The following RIMS2 variants were observed in gnomAD, a reference collection of about 807,000 sequenced individuals.
The protein encoded by RIMS2 is regulating synaptic membrane exocytosis 2.
A neutral mutation model predicts 174.4 loss-of-function variants in RIMS2; 59 were observed. The observed-to-expected ratio is 0.34, with a 90% CI of 0.27 to 0.42. The LOEUF (loss-of-function observed/expected upper bound fraction) is 0.42. Ranked by LOEUF, RIMS2 falls within the 10% of genes least tolerant of loss-of-function variation. RIMS2 has a pLI of 1.00. For synonymous variants in RIMS2, 606 were observed against 572.5 expected (o/e 1.06, Z -0.84); for missense variants, 1,620 against 1,666.3 (o/e 0.97, Z 0.48).
At chr8:103,502,584 G>T (rs1210706207) in intron 1 of RIMS2, among the ~76,000 whole-genome samples, 1 of 152,012 alleles carries the variant, frequency 6.6e-6, no homozygotes, top group South Asian at 2.1e-4. Context: ...ACTAATAGAA[G>T]AATAAAGCAT....
intron 3 of RIMS2, among the ~76,000 whole-genome samples, chr8:103,788,856 G>C (rs968539780): frequency 2.0e-5 from 3 of 152,144 alleles, no homozygotes. Flanking sequence ...AATGGCGGGC[G>C]CCCCTCCCCC....
At chr8:103,608,346 C>G (rs529218509) in intron 1 of RIMS2, among the ~76,000 whole-genome samples, 5,398 of 143,166 alleles carry the variant, frequency 0.038, 1,138 homozygotes, top group African/African-American at 0.14. Flanking sequence ...GCAGTCTGCC[C>G]GTTCTCAGAT....
chr8:103,615,400 G>A (rs922880624), intron 1 of RIMS2, among the ~76,000 whole-genome samples: 1 of 152,088 alleles, frequency 6.6e-6, no homozygotes, highest in Non-Finnish European at 1.5e-5. Context: ...GAAATTCATA[G>A]CACTAAATGC....
chr8:104,204,944 A>G (rs2441910), intron 19 of RIMS2, among the ~76,000 whole-genome samples: 115,084 of 152,118 alleles, frequency 0.76, 44,766 homozygotes, highest in African/African-American at 0.94. Context: ...TGCTAAACAA[A>G]CCTAAGATTA....
intron 19 of RIMS2, among the ~76,000 whole-genome samples, chr8:104,138,355 T>A (rs1234632994): frequency 6.6e-6 from 1 of 152,154 alleles, no homozygotes; most frequent in East Asian, 1.9e-4. Flanking sequence ...CCTCCAAACT[T>A]GTCTTCATAG....
At chr8:104,151,803 A>G (rs1473788516) in intron 19 of RIMS2, among the ~76,000 whole-genome samples, 1 of 152,188 alleles carries the variant, frequency 6.6e-6, no homozygotes, top group African/African-American at 2.4e-5. Context: ...TTGCCCAAGA[A>G]GAATTATACA....
At chr8:103,863,240 T>G (rs1311760548) in intron 3 of RIMS2, among the ~76,000 whole-genome samples, 5 of 152,232 alleles carry the variant, frequency 3.3e-5, no homozygotes, top group Non-Finnish European at 2.9e-5. Context: ...TTTTTGTTTT[T>G]AATTCTCTTT....
chr8:103,765,886 TTTAAAC>T (rs752572252), intron 2 of RIMS2, among the ~76,000 whole-genome samples: 4 of 152,132 alleles, frequency 2.6e-5, no homozygotes, highest in Non-Finnish European at 5.9e-5. Flanking sequence ...GGAGTTGGTA[TTTAAAC>T]CCAACTGTCT....
chr8:103,812,688 A>C (rs1012471836), intron 3 of RIMS2, among the ~76,000 whole-genome samples: 3 of 151,670 alleles, frequency 2.0e-5, no homozygotes, highest in Non-Finnish European at 4.4e-5. Context: ...GGCCCAAATT[A>C]CCTTTTTTGA....
At chr8:104,216,988 TATC>T (rs1349239542) in intron 19 of RIMS2, among the ~76,000 whole-genome samples, 1 of 152,216 alleles carries the variant, frequency 6.6e-6, no homozygotes, top group Admixed American at 6.5e-5. Context: ...AGTAACCTAT[TATC>T]ATCATCATTA....
chr8:103,578,372 A>G (rs2093390083), intron 1 of RIMS2, among the ~76,000 whole-genome samples: 1 of 152,054 alleles, frequency 6.6e-6, no homozygotes, highest in Non-Finnish European at 1.5e-5. Flanking sequence ...TCTGCTAAAA[A>G]TACAAAAATT....
intron 12 of RIMS2, among the ~76,000 whole-genome samples, chr8:103,935,613 C>T (rs554379855): frequency 6.6e-6 from 1 of 152,242 alleles, no homozygotes; most frequent in Non-Finnish European, 1.5e-5. Context: ...GTTTGTCTGT[C>T]ATTTTAAATA....
chr8:103,698,587 A>T (rs1444984195), intron 2 of RIMS2, among the ~76,000 whole-genome samples: 1 of 151,900 alleles, frequency 6.6e-6, no homozygotes, highest in African/African-American at 2.4e-5. Flanking sequence ...ACTGGGATAA[A>T]CCTCATTTTG....
intron 3 of RIMS2, among the ~76,000 whole-genome samples, chr8:103,796,718 A>T (rs1398596318): frequency 6.6e-6 from 1 of 152,198 alleles, no homozygotes; most frequent in Non-Finnish European, 1.5e-5. Flanking sequence ...AGATTTCTAG[A>T]TGCTTAGAGT....
intron 19 of RIMS2, among the ~76,000 whole-genome samples, chr8:104,154,139 T>G (rs766140115): frequency 6.6e-5 from 10 of 152,182 alleles, no homozygotes; most frequent in Non-Finnish European, 1.2e-4. Context: ...GAAGGAGGAA[T>G]GAGTTATTAT....
At chr8:103,974,871 T>A (rs540589520) in intron 15 of RIMS2, among the ~76,000 whole-genome samples, 3 of 152,252 alleles carry the variant, frequency 2.0e-5, no homozygotes, top group African/African-American at 7.2e-5. Context: ...CAAAAGCCGT[T>A]TACACATCTA....
intron 3 of RIMS2, among the ~76,000 whole-genome samples, chr8:103,864,605 A>G (rs2099075804): frequency 6.6e-6 from 1 of 152,196 alleles, no homozygotes; most frequent in Non-Finnish European, 1.5e-5. Flanking sequence ...GACCTGACAC[A>G]TGGTAAAAAA....
rs112922890 is a variant in RIMS2, at chr8:103,921,002, G to GCAACAACAA, written c.2084-633_2084-625dup. 1,656 of 197,018 alleles carry GCAACAACAA rather than the reference G, an allele frequency of 8.4e-3. 12 individuals carry two copies. The highest frequency in any genetic ancestry group is 0.027 in the East Asian group (162 of 6,024). The allele number at this position is 197,018 out of a possible 1,614,324, so 12.2% of individuals were successfully genotyped here. ...CCACAGAATGAGATTCTGTCTCAAA[G>GCAACAACAA]CAACAACAACAACAACAACAACAAC... On this transcript the variant is annotated intron_variant, in intron 9 of 23. Transcript: ENST00000504942.
chr8:103,921,783 C>T, exon 10 of RIMS2: 1 of 1,147,954 alleles, frequency 8.7e-7, no homozygotes, highest in Non-Finnish European at 1.3e-6. Flanking sequence ...GGACAACTTT[C>T]AGTATGTAGT....
Sources: allele counts gnomAD v4.1 joint callset (sites outside exome capture counted in the v4.1 genomes callset), GRCh38; gene constraint gnomAD v4.1.1; transcripts MANE v1.5; gene names NCBI Gene and HGNC (gene_info 2026-07-23, HGNC 2026-07-21).